The following AGRN variants were observed in gnomAD, a reference collection of about 807,000 sequenced individuals.
The protein encoded by AGRN is agrin.
In AGRN, 106 loss-of-function variants were observed where a neutral mutation model predicts 211.0. The observed-to-expected ratio is 0.50, with a 90% CI of 0.43 to 0.59. AGRN has a LOEUF of 0.59. Among genes scored for constraint, AGRN ranks in the 20% least tolerant of loss-of-function variants. AGRN has a pLI of 0.00. For synonymous variants in AGRN, 1,525 were observed against 1,332.5 expected (o/e 1.14, Z -3.15); for missense variants, 3,040 against 2,982.6 (o/e 1.02, Z -0.45).
Position 1,048,970 on chromosome 1 carries a change from GGAGCCTCAGGGGCTGCTGCTGTAC to G in AGRN, c.4210_4233del (p.Glu1404_Tyr1411del). On this transcript the variant is annotated inframe_deletion, in exon 24 of 36. Coordinates refer to ENST00000379370, the MANE Select transcript of AGRN (RefSeq NM_198576.4). This position sits in a 1 kb window ranked among gnomAD's most constrained non-coding sequence, Gnocchi z 5.9. ...GCCTGGCACTGGAATTCCGGGCGCT[GGAGCCTCAGGGGCTGCTGCTGTAC>G]AATGGCAACGCCCGGGGCAAGGACT... The G allele has an allele frequency of 6.3e-7, 1 of 1,575,126 alleles. No homozygotes were observed. The highest frequency in any genetic ancestry group is 8.6e-7 in the Non-Finnish European group (1 of 1,162,010).
intron 12 of AGRN, 79 bp downstream of exon 12, chr1:1,044,518 T>C: frequency 5.0e-6 from 7 of 1,394,116 alleles, no homozygotes; most frequent in South Asian, 3.7e-5. Context: ...GGCGTGCCCG[T>C]GTGCTGCGTT....
intron 2 of AGRN, among the ~76,000 whole-genome samples, chr1:1,028,235 C>T (rs1644562092): frequency 1.3e-5 from 2 of 151,752 alleles, no homozygotes; most frequent in African/African-American, 2.4e-5. Flanking sequence ...CGTCAGCTGC[C>T]GTGACCCCAC....
At position 1,048,389 on chromosome 1, in the gene AGRN, G is replaced by A; in HGVS notation, c.4105+24G>A. 1.4e-6 allele frequency: 2 copies of A among 1,416,976 alleles called. No individual in the cohort carries two copies. The highest frequency in any genetic ancestry group is 1.9e-6 in the Non-Finnish European group (2 of 1,071,326). 87.8% of individuals were successfully genotyped at this position (1,416,976 alleles called of 1,614,324 possible). A position where few individuals can be genotyped will look rare whatever the true frequency, so the allele number is the denominator to read the frequency against. ...GGGTAAGGATGTCCACTGCAGAGGAGGGCGGGGAGGCAGCAGGGTGGGGGC... is the reference window on the plus strand; with the variant it reads ...GGGTAAGGATGTCCACTGCAGAGGAAGGCGGGGAGGCAGCAGGGTGGGGGC... On this transcript the variant is annotated intron_variant, in intron 23 of 35. Transcript: ENST00000379370. The surrounding 1 kb of genome is among the most constrained non-coding windows in gnomAD (Gnocchi z 5.9).
At chr1:1,022,847 G>T (rs1644439384) in intron 2 of AGRN, among the ~76,000 whole-genome samples, 1 of 152,276 alleles carries the variant, frequency 6.6e-6, no homozygotes, top group Admixed American at 6.5e-5. Context: ...GGGCCCGCGT[G>T]TCGAGCACTC....
At chr1:1,042,428 C>T (rs1436843654) in intron 7 of AGRN, among the ~76,000 whole-genome samples, 1 of 152,198 alleles carries the variant, frequency 6.6e-6, no homozygotes, top group Non-Finnish European at 1.5e-5. Context: ...TCTGGCCTGT[C>T]CGCATGTCTC....
Position 1,054,441 on chromosome 1 carries a change from C to T in AGRN, c.5877-7C>T, listed in dbSNP as rs1232226045. 6 of 1,572,796 alleles carry T rather than the reference C, an allele frequency of 3.8e-6. No homozygotes were observed. The South Asian group carries it at 5.8e-5, about 15-fold the overall frequency. On this transcript the variant is annotated splice_polypyrimidine_tract_variant and splice_region_variant and intron_variant, in intron 34 of 35. Coordinates refer to ENST00000379370, the MANE Select transcript of AGRN (RefSeq NM_198576.4). ...CCCTGATGGTCTCCCCCTCCCTGCA[C>T]ACCCAGGGAGCAGAGGGAAGGTTCC...
intron 2 of AGRN, among the ~76,000 whole-genome samples, chr1:1,028,666 C>T (rs1298193936): frequency 0.013 from 997 of 75,334 alleles, 18 homozygotes; most frequent in African/African-American, 0.042. Flanking sequence ...GGGCCAAGGG[C>T]GCCCACAGCC....
chr1:1,054,620 C>T, intron 35 of AGRN, 69 bp downstream of exon 35: 1 of 1,525,696 alleles, frequency 6.6e-7, no homozygotes, highest in Admixed American at 2.0e-5. Context: ...CAGACTCCAC[C>T]CCCCAGCGCC....
chr1:1,029,785 G>A (rs1316443241), intron 2 of AGRN, among the ~76,000 whole-genome samples: 4 of 98,598 alleles, frequency 4.1e-5, no homozygotes, highest in East Asian at 2.9e-4. Context: ...GTGTGAGATC[G>A]TGTGTGTGTA....
intron 2 of AGRN, among the ~76,000 whole-genome samples, chr1:1,024,970 G>C (rs951097662): frequency 1.3e-5 from 2 of 152,078 alleles, no homozygotes; most frequent in African/African-American, 4.8e-5. Flanking sequence ...GCGGCTGAGC[G>C]GGCGACTCCT....
At position 1,041,820 on chromosome 1, in the gene AGRN, G is replaced by T. The variant is rs60258413; in HGVS notation, c.1177+118G>T. 1 of 684,056 alleles carries T rather than the reference G, an allele frequency of 1.5e-6. No homozygotes were observed. The highest frequency in any genetic ancestry group is 2.4e-5 in the African/African-American group (1 of 42,100). 42.4% of individuals were successfully genotyped at this position (684,056 alleles called of 1,614,324 possible). ...AGGTGGGCGGCTCCCCCGGGGGAGG[G>T]CTGCGGCCAGTGCCAGGGTCGAGGT... On this transcript the variant is annotated intron_variant, in intron 6 of 35. Transcript: ENST00000379370.
At chr1:1,035,118 CATGGGGTCAGGGCT>C in intron 2 of AGRN, 145 bp from the exon 3 acceptor site, 1 of 810,970 alleles carries the variant, frequency 1.2e-6, no homozygotes, top group South Asian at 1.4e-5. Context: ...TCAGCCAGCC[CATGGGGTCAGGGCT>C]GGACCCTTCA....
At chr1:1,043,768 C>G (rs763559609) in intron 9 of AGRN, 36 bp downstream of exon 9, 1 of 1,604,288 alleles carries the variant, frequency 6.2e-7, no homozygotes, top group Non-Finnish European at 8.5e-7. Context: ...GGCCAGGGTC[C>G]TGTGCCTCCC....
Position 1,043,611 on chromosome 1 carries a change from C to T in AGRN, c.1677C>T (p.Cys559=), listed in dbSNP as rs572191083. Residue 559 remains cysteine (C), a synonymous_variant, in exon 9 of 36, where the codon TGC becomes TGT. Transcript: ENST00000379370. ...ETGRCVCPSE[C]VALAQPVCGS... is the part of the protein sequence containing the mutation. ...GGCGCTGCGTGTGCCCCTCTGAATG[C>T]GTGGCTTTGGCCCAGCCCGTGTGTG... The T allele has an allele frequency of 1.5e-5, 24 of 1,604,676 alleles. No individual in the cohort carries two copies. Among genetic ancestry groups the T allele is most frequent in the South Asian group, 4.4e-5 (4 of 91,062 alleles).
intron 12 of AGRN, among the ~76,000 whole-genome samples, chr1:1,044,821 C>T (rs371524842): frequency 1.6e-4 from 25 of 152,282 alleles, no homozygotes; most frequent in African/African-American, 5.8e-4. Context: ...GTTAACTGTA[C>T]GGTTTGGAGG....
Position 1,031,096 on chromosome 1 carries a change from T to G in AGRN, c.464-4181T>G. ...GGTGCTGTGAGTGTGATTGTGTGTG[T>G]GTGTGTGCGGTGCATGGTGCTGTGT... On this transcript the variant is annotated intron_variant, in intron 2 of 35. Coordinates refer to ENST00000379370, the MANE Select transcript of AGRN (RefSeq NM_198576.4). This position sits in a 1 kb window ranked among gnomAD's most constrained non-coding sequence, Gnocchi z 4.8. 7.5e-6 allele frequency among the ~76,000 whole-genome samples: 1 copy of G among 133,534 alleles called. No individual in the cohort carries two copies. The highest frequency in any genetic ancestry group is 1.6e-5 in the Non-Finnish European group (1 of 64,008). 87.6% of individuals were successfully genotyped at this position (133,534 alleles called of 152,430 possible).
rs1644423690 is a variant in AGRN at position 1,022,299 on chromosome 1, C to G, written c.300C>G (p.Pro100=). 1 of 1,613,216 alleles carries G rather than the reference C, an allele frequency of 6.2e-7. No individual in the cohort carries two copies. Among genetic ancestry groups the G allele is most frequent in the South Asian group, 1.1e-5 (1 of 91,088 alleles). ...NKVVISGFGD[P]LICDNQVSTG... ...TGGTGATCAGCGGCTTTGGAGACCCCCTCATCTGTGACAACCAGGTGTCCA... is the reference window on the plus strand; with the variant it reads ...TGGTGATCAGCGGCTTTGGAGACCCGCTCATCTGTGACAACCAGGTGTCCA... The change falls in exon 2 of 36, where the codon CCC becomes CCG. Residue 100 remains proline, a synonymous_variant. Transcript: ENST00000379370.
chr1:1,022,425 C>T lies in AGRN; in HGVS notation c.426C>T (p.Thr142=), dbSNP rs771335673. ...TCAACTCCAGCCTCATGCGGATCAC[C>T]CTGCGGAACCTGGAGGAGGTGGAGT... ...LMLNSSLMRI[T]LRNLEEVEFC... The change falls in exon 2 of 36, where the codon ACC becomes ACT. Residue 142 remains threonine (T), a synonymous_variant. Transcript: ENST00000379370. 2.5e-5 allele frequency: 40 copies of T among 1,612,342 alleles called. No individual in the cohort carries two copies. Among genetic ancestry groups the T allele is most frequent in the South Asian group, 1.6e-4 (15 of 91,084 alleles).
In AGRN at chr1:1,041,472, C is replaced by T; in HGVS notation, c.953-6C>T. On this transcript the variant is annotated splice_polypyrimidine_tract_variant and splice_region_variant and intron_variant, in intron 5 of 35. Transcript: ENST00000379370. ...CAGCGTCCTGACTCCTGCCCTCGACCCCCAGACCCCTGTCAGGGCGCCCTC... is the reference window on the plus strand; with the variant it reads ...CAGCGTCCTGACTCCTGCCCTCGACTCCCAGACCCCTGTCAGGGCGCCCTC... The T allele has an allele frequency of 6.3e-7, 1 of 1,589,248 alleles. No individual in the cohort carries two copies. Among genetic ancestry groups the T allele is most frequent in the Non-Finnish European group, 8.5e-7 (1 of 1,175,108 alleles).
Sources: gnomAD v4.1 joint callset for allele counts (sites outside exome capture counted in the v4.1 genomes callset) on GRCh38, gnomAD v4.1.1 for gene constraint, Gnocchi (gnomAD v3.1) non-coding constraint, MANE v1.5 for transcripts, NCBI Gene and HGNC (gene_info 2026-07-23, HGNC 2026-07-21) for gene names.